Variants in TRMT11 observed in about 807,000 individuals in gnomAD.
The protein encoded by TRMT11 is tRNA (guanine(10)-N(2))-methyltransferase TRMT11.
In TRMT11, 53 loss-of-function variants were observed where a neutral mutation model predicts 62.8. The observed-to-expected ratio is 0.84, with a 90% CI of 0.68 to 1.06. TRMT11 has a LOEUF of 1.06. Ranked by LOEUF, TRMT11 falls within the 50% of genes least tolerant of loss-of-function variation. The pLI, the probability that TRMT11 is intolerant of heterozygous loss-of-function variation, is 0.00. For synonymous variants in TRMT11, 188 were observed against 190.3 expected (o/e 0.99, Z 0.10); for missense variants, 556 against 553.4 (o/e 1.00, Z -0.05).
the TRMT11 span, among the ~76,000 whole-genome samples, chr6:126,268,546 A>G: frequency 7.9e-5 from 12 of 152,346 alleles, no homozygotes; most frequent in Non-Finnish European, 1.6e-4. Context: ...AACTGAACCC[A>G]GTAAAATCAA....
intron 21 of TRMT11, among the ~76,000 whole-genome samples, chr6:126,118,221 T>C (rs995097767): frequency 2.0e-5 from 3 of 152,094 alleles, no homozygotes; most frequent in Non-Finnish European, 2.9e-5. Flanking sequence ...AAGTGGCTGC[T>C]ACTGTGGAGA....
intron 21 of TRMT11, among the ~76,000 whole-genome samples, chr6:126,136,166 A>G (rs1398484346): frequency 1.3e-5 from 2 of 151,704 alleles, no homozygotes; most frequent in Non-Finnish European, 3.0e-5. Context: ...GAAATAAAGG[A>G]CATCCAAATT....
intron 21 of TRMT11, among the ~76,000 whole-genome samples, chr6:126,150,263 A>G (rs1346161947): frequency 6.6e-6 from 1 of 152,148 alleles, no homozygotes; most frequent in East Asian, 1.9e-4. Context: ...TCCTTTAGAG[A>G]GTCCTCACTA....
At chr6:126,105,169 A>G (rs1777450241) in intron 17 of TRMT11, among the ~76,000 whole-genome samples, 1 of 152,192 alleles carries the variant, frequency 6.6e-6, no homozygotes, top group Non-Finnish European at 1.5e-5. Context: ...TAAATTTTAT[A>G]CAATTGAAAC....
At chr6:126,005,791 A>G (rs184346507) in intron 7 of TRMT11, among the ~76,000 whole-genome samples, 4 of 152,114 alleles carry the variant, frequency 2.6e-5, no homozygotes, top group African/African-American at 4.8e-5. Context: ...AGTGGATGCC[A>G]GTTGCTTTAG....
chr6:126,092,949 T>C (rs1305441561), intron 17 of TRMT11, among the ~76,000 whole-genome samples: 1 of 152,216 alleles, frequency 6.6e-6, no homozygotes, highest in Non-Finnish European at 1.5e-5. Context: ...GCAAGAATTC[T>C]TAGCTTATTT....
chr6:126,001,920 C>T (rs948160791), intron 7 of TRMT11, among the ~76,000 whole-genome samples: 14 of 151,932 alleles, frequency 9.2e-5, no homozygotes, highest in Non-Finnish European at 1.8e-4. Context: ...TTTTTAACCC[C>T]GATGGTCTAT....
the TRMT11 span, among the ~76,000 whole-genome samples, chr6:126,260,531 C>T: frequency 6.6e-6 from 1 of 152,084 alleles, no homozygotes; most frequent in Non-Finnish European, 1.5e-5. Context: ...GAGCTTTATA[C>T]CTTCACGTGT....
intron 17 of TRMT11, among the ~76,000 whole-genome samples, chr6:126,057,163 G>A (rs1245705602): frequency 2.0e-5 from 3 of 152,166 alleles, no homozygotes; most frequent in African/African-American, 7.2e-5. Context: ...CAAAGCTGCA[G>A]GATTTCTGGG....
the TRMT11 span, among the ~76,000 whole-genome samples, chr6:126,213,512 A>T: frequency 6.6e-6 from 1 of 152,058 alleles, no homozygotes; most frequent in Admixed American, 6.6e-5. Flanking sequence ...TTGCTATTGT[A>T]AATGGGATTA....
chr6:126,234,745 A>G, the TRMT11 span, among the ~76,000 whole-genome samples: 1 of 152,188 alleles, frequency 6.6e-6, no homozygotes. Flanking sequence ...TACGGTGGCA[A>G]ACTGTCTTTA....
chr6:126,121,034 A>G (rs1777644028), intron 21 of TRMT11, among the ~76,000 whole-genome samples: 1 of 152,052 alleles, frequency 6.6e-6, no homozygotes, highest in South Asian at 2.1e-4. Flanking sequence ...ACGTTAGGTA[A>G]TAGCTCTTTG....
chr6:125,991,022 G>A (rs953678800), intron 1 of TRMT11, among the ~76,000 whole-genome samples: 1 of 151,760 alleles, frequency 6.6e-6, no homozygotes, highest in Admixed American at 6.6e-5. Flanking sequence ...TGAGGCGGGC[G>A]GATCACAAGG....
intron 21 of TRMT11, among the ~76,000 whole-genome samples, chr6:126,144,277 A>G (rs1431567973): frequency 6.6e-6 from 1 of 152,118 alleles, no homozygotes; most frequent in African/African-American, 2.4e-5. Context: ...TGATGGGGCT[A>G]TTATCACTTC....
chr6:126,231,467 C>T, the TRMT11 span, among the ~76,000 whole-genome samples: 11 of 152,084 alleles, frequency 7.2e-5, no homozygotes, highest in African/African-American at 2.7e-4. Context: ...CTAGTCTATA[C>T]GTTAATTGAC....
At chr6:126,136,602 A>G (rs1777852804) in intron 21 of TRMT11, among the ~76,000 whole-genome samples, 1 of 151,874 alleles carries the variant, frequency 6.6e-6, no homozygotes, top group South Asian at 2.1e-4. Context: ...TCAAAACACC[A>G]GTGACATTCT....
At chr6:126,040,111 A>T (rs914199324), downstream of TRMT11, among the ~76,000 whole-genome samples, 11 of 152,090 alleles carry the variant, frequency 7.2e-5, no homozygotes, top group Non-Finnish European at 1.5e-4. Context: ...TTTCGAGGTT[A>T]TATGGGAGGT....
Position 125,993,742 on chromosome 6 carries a change from A to G in TRMT11, c.73-15A>G. ...TTTGTTAAAATGTATTTTCTCTGTA[A>G]TATTTTCAATACAGGAAATAAAGTC... On this transcript the variant is annotated splice_polypyrimidine_tract_variant and intron_variant, in intron 1 of 12. Transcript: ENST00000334379. 6.4e-7 allele frequency: 1 copy of G among 1,569,010 alleles called. No homozygotes were observed. The highest frequency in any genetic ancestry group is 8.8e-7 in the Non-Finnish European group (1 of 1,140,776).
At chr6:126,186,773 T>C (rs1778532538) in intron 1 of TRMT11, among the ~76,000 whole-genome samples, 1 of 152,142 alleles carries the variant, frequency 6.6e-6, no homozygotes, top group South Asian at 2.1e-4. Context: ...AAATTCTGCA[T>C]TTGAATCTTG....
Sources: gnomAD v4.1 joint callset for allele counts (sites outside exome capture counted in the v4.1 genomes callset) on GRCh38, gnomAD v4.1.1 for gene constraint, MANE v1.5 for transcripts, NCBI Gene and HGNC (gene_info 2026-07-23, HGNC 2026-07-21) for gene names.